Variants in RALYL observed in about 807,000 individuals in gnomAD.
The protein encoded by RALYL is RALY RNA binding protein like, also known as RNA-binding Raly-like protein.
A neutral mutation model predicts 35.1 loss-of-function variants in RALYL; 29 were observed. The observed-to-expected ratio is 0.83, with a 90% CI of 0.61 to 1.13. The LOEUF (loss-of-function observed/expected upper bound fraction) is 1.13. Ranked by LOEUF, RALYL falls within the 50% of genes most tolerant of loss-of-function variation. The pLI is 0.00. For missense variants in RALYL, 359 were observed against 360.4 expected (o/e 1.00, Z 0.03); for synonymous variants, 120 against 127.6 (o/e 0.94, Z 0.40).
In RALYL at chr8:84,777,961, T is replaced by C. The variant is rs371797006; in HGVS notation, c.332+3307T>C. Among the ~76,000 whole-genome samples, 81 of 152,226 alleles carry C rather than the reference T, an allele frequency of 5.3e-4. 1 individual carries two copies. The Middle Eastern group carries it at 0.01, about 19-fold the overall frequency. On this transcript the variant is annotated intron_variant, in intron 3 of 8. Transcript: ENST00000521268. The stretch of plus-strand genomic sequence containing the variant: ...CGGCTTCTGAGTCTGTTTTCTTATC[T>C]GTAAAATGCGAGAGGGGGACTCTTT...
chr8:84,389,164 G>A (rs1368614533), intron 1 of RALYL, among the ~76,000 whole-genome samples: 25 of 151,954 alleles, frequency 1.6e-4, no homozygotes, highest in East Asian at 3.9e-4. Context: ...GATATACGGC[G>A]TTATTTCTGA....
At chr8:84,391,728 G>A (rs796653522) in intron 1 of RALYL, among the ~76,000 whole-genome samples, 7 of 152,118 alleles carry the variant, frequency 4.6e-5, no homozygotes, top group African/African-American at 1.7e-4. Context: ...TTACCCCCCA[G>A]TAAGTGAAGA....
intron 2 of RALYL, 30 bp from the exon 3 acceptor site, chr8:84,774,549 A>T: frequency 7.0e-7 from 1 of 1,419,004 alleles, no homozygotes; most frequent in African/African-American, 1.4e-5. Context: ...GTATTTTCTT[A>T]ATCAGTACTG....
intron 5 of RALYL, among the ~76,000 whole-genome samples, chr8:84,860,577 G>A (rs545676024): frequency 6.6e-6 from 1 of 152,176 alleles, no homozygotes; most frequent in African/African-American, 2.4e-5. Context: ...CAAGCCCCTA[G>A]TGGTATGGAT....
chr8:84,334,067 A>G (rs1355542307), intron 1 of RALYL, among the ~76,000 whole-genome samples: 2 of 151,952 alleles, frequency 1.3e-5, no homozygotes, highest in Non-Finnish European at 2.9e-5. Flanking sequence ...TATTTTTTGT[A>G]GAGATGGGGT....
chr8:84,407,261 C>T (rs756030323), intron 1 of RALYL, among the ~76,000 whole-genome samples: 1 of 152,134 alleles, frequency 6.6e-6, no homozygotes, highest in Non-Finnish European at 1.5e-5. Context: ...GTACTCAATA[C>T]TTGTGTTGGG....
chr8:84,621,058 G>GC (rs1449787959), intron 2 of RALYL, among the ~76,000 whole-genome samples: 3 of 152,162 alleles, frequency 2.0e-5, no homozygotes, highest in Non-Finnish European at 4.4e-5. Context: ...TTTGTGCCCT[G>GC]CCCCCAGAGG....
intron 1 of RALYL, among the ~76,000 whole-genome samples, chr8:84,528,150 A>G (rs2059033623): frequency 6.6e-6 from 1 of 152,200 alleles, no homozygotes; most frequent in South Asian, 2.1e-4. Context: ...TAATATTTTA[A>G]GAGAGCCTTC....
At chr8:84,736,920 A>T (rs983411551) in intron 2 of RALYL, among the ~76,000 whole-genome samples, 1 of 152,038 alleles carries the variant, frequency 6.6e-6, no homozygotes, top group African/African-American at 2.4e-5. Context: ...TCTTTTCCTA[A>T]ATCCTACTTG....
intron 8 of RALYL, 78 bp from the exon 9 acceptor site, chr8:84,920,816 C>T (rs988477597): frequency 5.8e-6 from 3 of 517,246 alleles, no homozygotes; most frequent in South Asian, 4.8e-5. Flanking sequence ...TAAAATCTAA[C>T]TTACATATCA....
At chr8:84,232,505 T>G (rs2131447477) in intron 1 of RALYL, among the ~76,000 whole-genome samples, 1 of 152,262 alleles carries the variant, frequency 6.6e-6, no homozygotes, top group South Asian at 2.1e-4. Context: ...AGGAAGAAGC[T>G]AAAGAGACCT....
chr8:84,450,426 A>G (rs2049336213), intron 1 of RALYL, among the ~76,000 whole-genome samples: 1 of 151,896 alleles, frequency 6.6e-6, no homozygotes, highest in Non-Finnish European at 1.5e-5. Flanking sequence ...GCTGCATGGA[A>G]GCTAAATACA....
Position 84,655,294 on chromosome 8 carries a change from G to GGT in RALYL, c.257-119285_257-119284insGT, listed in dbSNP as rs111450521. Among the ~76,000 whole-genome samples the GGT allele has an allele frequency of 4.1e-3, 601 of 147,122 alleles. 4 individuals carry two copies. Among genetic ancestry groups the GGT allele is most frequent in the African/African-American group, 0.014 (554 of 40,236 alleles). On this transcript the variant is annotated intron_variant, in intron 2 of 8. Coordinates refer to ENST00000521268, the MANE Select transcript of RALYL (RefSeq NM_173848.7). Reference sequence around the variant, plus strand: ...CCCCTTTTTAAATCAGATTATTAGGGTTTTTTTTTTGTTTTTGTCTTGTTT... The same window carrying GGT: ...CCCCTTTTTAAATCAGATTATTAGGGGTTTTTTTTTTTGTTTTTGTCTTGTTT...
At chr8:84,763,288 C>T (rs1813122726) in intron 2 of RALYL, among the ~76,000 whole-genome samples, 1 of 152,044 alleles carries the variant, frequency 6.6e-6, no homozygotes, top group Non-Finnish European at 1.5e-5. Context: ...CAAGGTAAAA[C>T]CTGAGAGTTC....
chr8:84,437,191 A>C (rs1346641465), intron 1 of RALYL, among the ~76,000 whole-genome samples: 1 of 152,164 alleles, frequency 6.6e-6, no homozygotes, highest in Non-Finnish European at 1.5e-5. Flanking sequence ...GCTGCAAAGG[A>C]CGTGATTTCA....
At chr8:84,920,486 G>C (rs543383274) in intron 8 of RALYL, among the ~76,000 whole-genome samples, 1 of 152,150 alleles carries the variant, frequency 6.6e-6, no homozygotes, top group African/African-American at 2.4e-5. Flanking sequence ...TAAGGCTTAG[G>C]ACAGCACTGT....
Position 84,339,044 on chromosome 8 carries a change from G to C in RALYL, c.-24+154620G>C, listed in dbSNP as rs760089295. On this transcript the variant is annotated intron_variant, in intron 1 of 8. Transcript: ENST00000521268. ...CGAACAAGTCACCAAAAGTCAGGGT[G>C]GCGCAGACATGATCTGACGATGGGG... 3.3e-5 allele frequency among the ~76,000 whole-genome samples: 5 copies of C among 152,068 alleles called. No individual in the cohort carries two copies. The East Asian group carries it at 7.7e-4, about 23-fold the overall frequency.
intron 1 of RALYL, among the ~76,000 whole-genome samples, chr8:84,229,720 A>AT (rs1184330061): frequency 6.6e-6 from 1 of 152,226 alleles, no homozygotes; most frequent in Non-Finnish European, 1.5e-5. Flanking sequence ...CAGAGGAAAG[A>AT]TAAATTATAG....
intron 2 of RALYL, among the ~76,000 whole-genome samples, chr8:84,621,485 C>T (rs370853365): frequency 3.3e-5 from 5 of 152,252 alleles, no homozygotes; most frequent in South Asian, 4.1e-4. Flanking sequence ...CACTGACCTG[C>T]GCCCACTGTC....
Sources: gnomAD v4.1 joint callset for allele counts (sites outside exome capture counted in the v4.1 genomes callset) on GRCh38, gnomAD v4.1.1 for gene constraint, MANE v1.5 for transcripts, NCBI Gene and HGNC (gene_info 2026-07-23, HGNC 2026-07-21) for gene names.